The following TPST2 variants were observed in gnomAD, a reference collection of about 807,000 sequenced individuals.
TPST2 encodes the protein protein-tyrosine sulfotransferase 2.
A neutral mutation model predicts 27.8 loss-of-function variants in TPST2; 16 were observed. That is an observed-to-expected ratio of 0.58 (90% CI 0.39 to 0.88). The LOEUF is 0.88. Among genes scored for constraint, TPST2 ranks in the 40% least tolerant of loss-of-function variants. TPST2 has a pLI of 0.00. For synonymous variants in TPST2, 229 were observed against 231.7 expected (o/e 0.99, Z 0.10); for missense variants, 464 against 543.1 (o/e 0.85, Z 1.45).
intron 1 of TPST2, among the ~76,000 whole-genome samples, chr22:26,581,664 C>A (rs1316050704): frequency 1.3e-5 from 2 of 152,160 alleles, no homozygotes; most frequent in Non-Finnish European, 2.9e-5. Context: ...GTAGTATTGC[C>A]TATGATAGAA....
chr22:26,522,904 C>T lies in TPST2; in HGVS notation c.*3371G>A, dbSNP rs757707365. ...CCAGCCTGGGCAACATAGTGATTCC[C>T]CTCTTTACAAAAAATAAAAAGTTAG... On this transcript the variant is annotated 3_prime_UTR_variant, in exon 7 of 7. Coordinates refer to ENST00000338754, the MANE Select transcript of TPST2 (RefSeq NM_003595.5). 1 of 152,140 alleles carries T rather than the reference C, an allele frequency of 6.6e-6. No homozygotes were observed. Among genetic ancestry groups the T allele is most frequent in the Non-Finnish European group, 1.5e-5 (1 of 68,144 alleles). 9.4% of individuals were successfully genotyped at this position (152,140 alleles called of 1,614,324 possible).
At chr22:26,572,210 G>C (rs1927656413) in intron 1 of TPST2, among the ~76,000 whole-genome samples, 1 of 152,132 alleles carries the variant, frequency 6.6e-6, no homozygotes, top group Admixed American at 6.5e-5. Context: ...CTGCAGTGTT[G>C]GTTCAAAGAT....
At chr22:26,577,062 C>G (rs1003066354) in intron 1 of TPST2, among the ~76,000 whole-genome samples, 10 of 148,376 alleles carry the variant, frequency 6.7e-5, no homozygotes, top group Admixed American at 6.1e-4. Flanking sequence ...CGCCACTGCA[C>G]TCCAGCCTGG....
rs1301973754 is a variant in TPST2, at chr22:26,525,025, C to T, written c.*1250G>A. 4.6e-5 allele frequency: 7 copies of T among 152,182 alleles called. No individual in the cohort carries two copies. The highest frequency in any genetic ancestry group is 1.7e-4 in the African/African-American group (7 of 41,432). The allele number at this position is 152,182 out of a possible 1,614,324, so 9.4% of individuals were successfully genotyped here. ...CAGCTGGTGATTAAGTAACTAAAGT[C>T]GGTCATGTGATTGCCCTATGTGACT... On this transcript the variant is annotated 3_prime_UTR_variant, in exon 7 of 7. Transcript: ENST00000338754.
intron 1 of TPST2, among the ~76,000 whole-genome samples, chr22:26,570,051 GA>G (rs1234921633): frequency 7.3e-6 from 1 of 136,932 alleles, no homozygotes; most frequent in African/African-American, 2.8e-5. Context: ...AAGACAGAAA[GA>G]AAGAAAGAAA....
At position 26,541,518 on chromosome 22, in the gene TPST2, A is replaced by G; in HGVS notation, c.113T>C (p.Leu38Pro). ...CCGCATGGCCCCCCGGGGGCTCCGC[A>G]GGCCCGCCAGCACCGCCCGGCACTC... ...VLECRAVLAG[L>P]RSPRGAMRPE... The change falls in exon 3 of 7, where the codon CTG becomes CCG. Residue 38 changes from leucine (L) to proline (P), a missense_variant. Physicochemically the swap from Leu to Pro is moderately conservative, Grantham distance 98. Coordinates refer to ENST00000338754, the MANE Select transcript of TPST2 (RefSeq NM_003595.5). The surrounding 1 kb of genome is among the most constrained non-coding windows in gnomAD (Gnocchi z 5.9). 4 of 1,611,404 alleles carry G rather than the reference A, an allele frequency of 2.5e-6. No individual in the cohort carries two copies. The highest frequency in any genetic ancestry group is 2.5e-6 in the Non-Finnish European group (3 of 1,179,008).
At chr22:26,578,739 C>CCAGA (rs1207342592) in intron 1 of TPST2, among the ~76,000 whole-genome samples, 4 of 152,108 alleles carry the variant, frequency 2.6e-5, no homozygotes, top group Non-Finnish European at 4.4e-5. Context: ...CATGGAAGAC[C>CCAGA]CAGACCCCAT....
chr22:26,571,760 G>A (rs977983825), intron 1 of TPST2, among the ~76,000 whole-genome samples: 1 of 152,086 alleles, frequency 6.6e-6, no homozygotes, highest in Non-Finnish European at 1.5e-5. Context: ...TTCCAGGCTT[G>A]CCTGTTGGAA....
At chr22:26,562,700 T>G (rs1927174925) in intron 1 of TPST2, among the ~76,000 whole-genome samples, 1 of 151,770 alleles carries the variant, frequency 6.6e-6, no homozygotes, top group Non-Finnish European at 1.5e-5. Flanking sequence ...CTCAGCTCAC[T>G]GCAACCTCCG....
intron 1 of TPST2, 124 bp downstream of exon 1, chr22:26,589,929 C>T (rs1025330238): frequency 6.6e-6 from 1 of 151,978 alleles, no homozygotes; most frequent in African/African-American, 2.4e-5. Flanking sequence ...AGCAGTCGCG[C>T]CGGGCCCGGA....
At chr22:26,535,353 A>ATCAAT (rs1925394770) in intron 4 of TPST2, among the ~76,000 whole-genome samples, 2 of 152,250 alleles carry the variant, frequency 1.3e-5, no homozygotes, top group Admixed American at 6.5e-5. Context: ...CCATTTTCAA[A>ATCAAT]TATTTGCCTA....
intron 3 of TPST2, among the ~76,000 whole-genome samples, chr22:26,538,692 G>T (rs1009700866): frequency 1.3e-5 from 2 of 152,140 alleles, no homozygotes; most frequent in Non-Finnish European, 1.5e-5. Context: ...CGTGGTGGCG[G>T]GTGCCTGTAA....
chr22:26,536,513 G>A (rs755282938), intron 3 of TPST2, 27 bp from the exon 4 acceptor site: 2 of 1,482,432 alleles, frequency 1.3e-6, no homozygotes, highest in African/African-American at 2.8e-5. Flanking sequence ...CGCTGGAGAG[G>A]GTAGGGCAGA....
chr22:26,568,310 G>C (rs569008143), intron 1 of TPST2, among the ~76,000 whole-genome samples: 1 of 152,308 alleles, frequency 6.6e-6, no homozygotes, highest in South Asian at 2.1e-4. Context: ...ATAACGCGTG[G>C]TTCTGTCAGA....
chr22:26,533,633 T>C lies in TPST2; in HGVS notation c.1042-888A>G, dbSNP rs7293180. 4.7e-3 allele frequency among the ~76,000 whole-genome samples: 720 copies of C among 152,264 alleles called. 3 individuals carry two copies. Among genetic ancestry groups the C allele is most frequent in the African/African-American group, 0.017 (698 of 41,546 alleles). On this transcript the variant is annotated intron_variant, in intron 4 of 6. Transcript: ENST00000338754. ...TTAAAATAAAATGAAACAAGGGAGA[T>C]TAATTCTAACAATATCTTTTATTTA... is the stretch of plus-strand genomic sequence containing the variant.
intron 1 of TPST2, among the ~76,000 whole-genome samples, chr22:26,561,616 G>GA (rs890513615): frequency 6.6e-6 from 1 of 151,680 alleles, no homozygotes. Flanking sequence ...TTTTTTATTA[G>GA]AAAAAAAAGA....
At chr22:26,582,544 G>A (rs1409140014) in intron 1 of TPST2, among the ~76,000 whole-genome samples, 1 of 152,220 alleles carries the variant, frequency 6.6e-6, no homozygotes. Flanking sequence ...TTCATAGGCT[G>A]ACATCTCACG....
chr22:26,541,638 C>T lies in TPST2; in HGVS notation c.-8G>A, dbSNP rs771025847. 7.7e-6 allele frequency: 12 copies of T among 1,556,812 alleles called. No homozygotes were observed. The highest frequency in any genetic ancestry group is 5.4e-5 in the African/African-American group (4 of 73,784). On this transcript the variant is annotated 5_prime_UTR_variant, in exon 3 of 7. Coordinates refer to ENST00000338754, the MANE Select transcript of TPST2 (RefSeq NM_003595.5). The surrounding 1 kb of genome is among the most constrained non-coding windows in gnomAD (Gnocchi z 5.9). The stretch of plus-strand genomic sequence containing the variant: ...CCGCACCGACAGGCGCATGCTGGGC[C>T]GGAGGCAGGGTAGGCCTGGCCTGAG...
chr22:26,555,237 G>A (rs775867210), intron 1 of TPST2: 1 of 532,830 alleles, frequency 1.9e-6, no homozygotes, highest in South Asian at 1.4e-5. Context: ...TAGTAGGCTG[G>A]TGCAAAAGTA....
Sources: allele counts gnomAD v4.1 joint callset (sites outside exome capture counted in the v4.1 genomes callset), GRCh38; gene constraint gnomAD v4.1.1; non-coding constraint Gnocchi (gnomAD v3.1); transcripts MANE v1.5; gene names NCBI Gene and HGNC (gene_info 2026-07-23, HGNC 2026-07-21).